ARHGEF6: variants seen among roughly 807,000 people sequenced by gnomAD.
ARHGEF6 encodes rho guanine nucleotide exchange factor 6.
In ARHGEF6, 9 loss-of-function variants were observed where a neutral mutation model predicts 70.3. The ratio of observed to expected loss-of-function variants is 0.13; its 90% confidence interval spans 0.08 to 0.22. The LOEUF is 0.22. Among genes scored for constraint, ARHGEF6 ranks in the 10% least tolerant of loss-of-function variants. The pLI is 1.00. For synonymous variants in ARHGEF6, 201 were observed against 207.8 expected (o/e 0.97, Z 0.28); for missense variants, 470 against 563.0 (o/e 0.83, Z 1.67).
At chrX:136,690,565 G>C in intron 10 of ARHGEF6, 45 bp downstream of exon 10, 1 of 1,207,678 alleles carries the variant, frequency 8.3e-7, no homozygotes, top group Non-Finnish European at 1.1e-6. Flanking sequence ...CAGAGCACAG[G>C]ACCATACTTG....
chrX:136,721,115 T>A (rs2076791880), intron 6 of ARHGEF6, among the ~76,000 whole-genome samples: 1 of 112,289 alleles, frequency 8.9e-6, no homozygotes, highest in South Asian at 3.7e-4. Flanking sequence ...TCTCAGTAAG[T>A]TATTTTGTGG....
At chrX:136,682,704 G>A in intron 13 of ARHGEF6, 54 bp downstream of exon 13, 1 of 1,005,105 alleles carries the variant, frequency 9.9e-7, no homozygotes, top group Non-Finnish European at 1.4e-6. Context: ...CATCTGGATG[G>A]AAACCTGTTT....
intron 5 of ARHGEF6, among the ~76,000 whole-genome samples, chrX:136,741,093 G>GGA (rs1459630878): frequency 9.0e-6 from 1 of 111,256 alleles, no homozygotes; most frequent in Admixed American, 9.5e-5. Context: ...CCATTAAAGG[G>GGA]GATACCCCTT....
intron 5 of ARHGEF6, among the ~76,000 whole-genome samples, chrX:136,736,388 G>A (rs1203434597): frequency 8.1e-5 from 9 of 111,386 alleles, no homozygotes; most frequent in Non-Finnish European, 1.7e-4. Flanking sequence ...TAATGACTAA[G>A]TTATTAATAC....
intron 2 of ARHGEF6, chrX:136,767,687 G>C: frequency 2.7e-6 from 2 of 754,493 alleles, no homozygotes; most frequent in Non-Finnish European, 3.1e-6. Flanking sequence ...TCCAGACCAC[G>C]CTCAGCTACC....
chrX:136,712,408 C>A (rs1258850529), intron 7 of ARHGEF6, among the ~76,000 whole-genome samples: 1 of 112,501 alleles, frequency 8.9e-6, no homozygotes, highest in Non-Finnish European at 1.9e-5. Flanking sequence ...AGCCATCACA[C>A]CCGGCCAAAT....
At position 136,780,773 on chromosome X, in the gene ARHGEF6, T is replaced by G; in HGVS notation, c.110A>C (p.Asn37Thr). 4 of 1,210,850 alleles carry G rather than the reference T, an allele frequency of 3.3e-6. No homozygotes were observed. Among genetic ancestry groups the G allele is most frequent in the Non-Finnish European group, 4.5e-6 (4 of 895,034 alleles). ...GATCAGTTTGCACAGAACTACCCCA[T>G]TTTTCAGCGAGGACTTTAAAAACTC... ...PEEFLKSSLK[N>T]GVVLCKLINR... Residue 37 changes from asparagine (N) to threonine (T), a missense_variant, in exon 1 of 22, where the codon AAT becomes ACT. This residue lies in a region of ARHGEF6 where 379 missense variants were observed against 449.3 expected (regional missense o/e 0.84). Coordinates refer to ENST00000250617, the MANE Select transcript of ARHGEF6 (RefSeq NM_004840.3).
chrX:136,712,384 A>G (rs1296619167), intron 7 of ARHGEF6, among the ~76,000 whole-genome samples: 1 of 112,598 alleles, frequency 8.9e-6, no homozygotes, highest in African/African-American at 3.2e-5. Flanking sequence ...AAGTGCTGGG[A>G]TTACAGGCTT....
At chrX:136,693,856 C>T (rs2076482851) in intron 9 of ARHGEF6, among the ~76,000 whole-genome samples, 1 of 111,521 alleles carries the variant, frequency 9.0e-6, no homozygotes, top group African/African-American at 3.3e-5. Flanking sequence ...TACTACCCCA[C>T]CAGCCCTTCG....
chrX:136,687,487 GT>G (rs759376885), intron 11 of ARHGEF6, among the ~76,000 whole-genome samples: 75 of 111,859 alleles, frequency 6.7e-4, no homozygotes, highest in Non-Finnish European at 1.2e-3. Context: ...AGTTCTTTAG[GT>G]TTTTTCCCCC....
intron 5 of ARHGEF6, among the ~76,000 whole-genome samples, chrX:136,733,039 G>A (rs749852069): frequency 1.4e-4 from 15 of 109,678 alleles, no homozygotes; most frequent in East Asian, 8.4e-4. Context: ...ATTCCACTGC[G>A]TTGTAAAATA....
Position 136,680,750 on chromosome X carries a change from G to A in ARHGEF6, c.1685C>T (p.Ser562Leu), listed in dbSNP as rs774734407. The A allele has an allele frequency of 4.4e-5, 53 of 1,210,171 alleles. No individual in the cohort carries two copies. The highest frequency in any genetic ancestry group is 4.6e-4 in the Middle Eastern group (2 of 4,375). ...SCSSLSKTSS[S>L]SCSAHSSFSS... Reference sequence around the variant, plus strand: ...ACTTACAGAATGAGCACTACATGATGACGATGAGGTTTTGGATAATGAACT... The same window carrying A: ...ACTTACAGAATGAGCACTACATGATAACGATGAGGTTTTGGATAATGAACT... Residue 562 changes from serine to leucine, a missense_variant, in exon 15 of 22, where the codon TCA becomes TTA. Ser to Leu is a moderately radical substitution (Grantham distance 145). This residue lies in a region of ARHGEF6 where 379 missense variants were observed against 449.3 expected (regional missense o/e 0.84). Transcript: ENST00000250617.
intron 9 of ARHGEF6, among the ~76,000 whole-genome samples, chrX:136,692,632 G>C (rs1220470039): frequency 1.8e-5 from 2 of 112,035 alleles, no homozygotes; most frequent in Non-Finnish European, 3.8e-5. Flanking sequence ...ATTCATTCTT[G>C]TTTAATGACA....
Position 136,672,121 on chromosome X carries a change from TACAA to T in ARHGEF6, c.2036-6_2036-3del. On this transcript the variant is annotated splice_region_variant and splice_polypyrimidine_tract_variant and intron_variant, in intron 19 of 21. Coordinates refer to ENST00000250617, the MANE Select transcript of ARHGEF6 (RefSeq NM_004840.3). ...GTGGAATGGAATCTTTTCGAGTACC[TACAA>T]ACAAGGGTTGCAAGATGGGGGAGGA... 1 of 1,185,943 alleles carries T rather than the reference TACAA, an allele frequency of 8.4e-7. No homozygotes were observed. The highest frequency in any genetic ancestry group is 3.0e-5 in the East Asian group (1 of 33,745).
chrX:136,750,987 GTTTGTT>G (rs1348760165), intron 2 of ARHGEF6, among the ~76,000 whole-genome samples: 6 of 109,756 alleles, frequency 5.5e-5, no homozygotes, highest in Admixed American at 9.8e-5. Flanking sequence ...TTGTTTGTTT[GTTTGTT>G]TTTGTTTTTG....
At chrX:136,754,923 G>C (rs1193688072) in intron 2 of ARHGEF6, among the ~76,000 whole-genome samples, 1 of 111,423 alleles carries the variant, frequency 9.0e-6, no homozygotes, top group African/African-American at 3.3e-5. Context: ...AGACATGAGG[G>C]TGTCTTCCCC....
At chrX:136,727,322 TC>T (rs1385976206) in intron 6 of ARHGEF6, among the ~76,000 whole-genome samples, 1 of 53,496 alleles carries the variant, frequency 1.9e-5, no homozygotes, top group African/African-American at 1.3e-4. Flanking sequence ...TTTCTTTCTT[TC>T]TTTTTCTTTC....
At chrX:136,732,250 T>C in intron 5 of ARHGEF6, 78 bp from the exon 6 acceptor site, 1 of 746,315 alleles carries the variant, frequency 1.3e-6, no homozygotes, top group Non-Finnish European at 2.1e-6. Context: ...TCAACTAACA[T>C]ACTATAAAGA....
At chrX:136,703,424 G>A (rs1301065541) in intron 9 of ARHGEF6, among the ~76,000 whole-genome samples, 2 of 112,443 alleles carry the variant, frequency 1.8e-5, no homozygotes, top group Non-Finnish European at 1.9e-5. Flanking sequence ...TGTGGCAACC[G>A]TGTGTTGAGC....
Sources: gnomAD v4.1 joint callset for allele counts (sites outside exome capture counted in the v4.1 genomes callset) on GRCh38, gnomAD v4.1.1 for gene constraint, gnomAD v4.1.1 regional missense constraint, MANE v1.5 for transcripts, NCBI Gene and HGNC (gene_info 2026-07-23, HGNC 2026-07-21) for gene names.